Variants in FAM193A observed in about 807,000 individuals in gnomAD.
The protein encoded by FAM193A is protein FAM193A.
Under a neutral mutation model 126.5 loss-of-function variants are expected in FAM193A, and 22 were observed. That is an observed-to-expected ratio of 0.17 (90% confidence interval 0.12 to 0.25). The LOEUF is 0.25. Ranked by LOEUF, FAM193A falls within the 10% of genes least tolerant of loss-of-function variation. The pLI is 1.00. For missense variants in FAM193A, 1,675 were observed against 1,672.8 expected (o/e 1.00, Z -0.02); for synonymous variants, 761 against 646.8 (o/e 1.18, Z -2.68).
At chr4:2,636,186 C>T (rs941486832) in intron 5 of FAM193A, among the ~76,000 whole-genome samples, 1 of 151,916 alleles carries the variant, frequency 6.6e-6, no homozygotes, top group Admixed American at 6.6e-5. Context: ...GCCTCAGCCT[C>T]CCGAGTAGCT....
At chr4:2,702,003 C>G (rs1415011647) in intron 19 of FAM193A, among the ~76,000 whole-genome samples, 1 of 152,156 alleles carries the variant, frequency 6.6e-6, no homozygotes, top group Non-Finnish European at 1.5e-5. Context: ...AACTCCCGAC[C>G]TCAGTTGATC....
chr4:2,649,225 T>C (rs529057262), intron 7 of FAM193A, among the ~76,000 whole-genome samples: 245 of 151,008 alleles, frequency 1.6e-3, no homozygotes, highest in African/African-American at 5.8e-3. Context: ...AATTAAAAAA[T>C]TAGCCAGGCT....
intron 15 of FAM193A, among the ~76,000 whole-genome samples, chr4:2,692,850 AGAGG>A (rs950957402): frequency 1.4e-4 from 12 of 83,090 alleles, no homozygotes; most frequent in Non-Finnish European, 2.9e-4. Flanking sequence ...AAAAAAAGAG[AGAGG>A]GAGGGAGGGA....
chr4:2,722,478 T>C (rs151160039), intron 20 of FAM193A, among the ~76,000 whole-genome samples: 1 of 152,292 alleles, frequency 6.6e-6, no homozygotes, highest in African/African-American at 2.4e-5. Context: ...CCAGCTGCTG[T>C]GTCCAGAAGG....
At position 2,732,170 on chromosome 4, in the gene FAM193A, T is replaced by C; in HGVS notation, c.*302T>C. The C allele has an allele frequency of 2.4e-6, 1 of 422,086 alleles. No homozygotes were observed. The highest frequency in any genetic ancestry group is 2.3e-5 in the South Asian group (1 of 42,772). The allele number at this position is 422,086 out of a possible 1,614,324, so 26.1% of individuals were successfully genotyped here. A position where few individuals can be genotyped will look rare whatever the true frequency, so the allele number is the denominator to read the frequency against. The stretch of plus-strand genomic sequence containing the variant: ...CCTGGGCCGTGGCCAGATAGGAGTT[T>C]GCATCATCCACGTGGCTCCGTTGCC... On this transcript the variant is annotated 3_prime_UTR_variant, in exon 21 of 21. Coordinates refer to ENST00000637812, the MANE Select transcript of FAM193A (RefSeq NM_001366318.2).
chr4:2,693,182 C>G (rs543449175), intron 15 of FAM193A, among the ~76,000 whole-genome samples: 1 of 152,106 alleles, frequency 6.6e-6, no homozygotes, highest in Admixed American at 6.6e-5. Context: ...CCACGCCCAG[C>G]TAATTTTTTG....
At position 2,731,219 on chromosome 4, in the gene FAM193A, A is replaced by AC. The variant is rs1369833872; in HGVS notation, c.4455-556_4455-555insC. ...CTCAAAAAAAAAAAAAAAAAAAAAAAAAAAACCGGTGTGGTGGTACATGCC... is the reference window on the plus strand; with the variant it reads ...CTCAAAAAAAAAAAAAAAAAAAAAAACAAAAACCGGTGTGGTGGTACATGCC... On this transcript the variant is annotated intron_variant, in intron 20 of 20. Coordinates refer to ENST00000637812, the MANE Select transcript of FAM193A (RefSeq NM_001366318.2). Among the ~76,000 whole-genome samples, 13 of 132,942 alleles carry AC rather than the reference A, an allele frequency of 9.8e-5. No homozygotes were observed. In the East Asian group the frequency reaches 2.5e-3, roughly 26 times the overall value. 87.2% of individuals were successfully genotyped at this position (132,942 alleles called of 152,430 possible). A position where few individuals can be genotyped will look rare whatever the true frequency, so the allele number is the denominator to read the frequency against.
intron 1 of FAM193A, among the ~76,000 whole-genome samples, chr4:2,585,747 C>T (rs1180334673): frequency 2.6e-5 from 4 of 152,078 alleles, no homozygotes; most frequent in South Asian, 4.2e-4. Context: ...GCCAACATGG[C>T]AAAACCCCGT....
chr4:2,678,274 G>A (rs556728039), intron 13 of FAM193A, among the ~76,000 whole-genome samples: 42 of 151,932 alleles, frequency 2.8e-4, no homozygotes, highest in African/African-American at 5.6e-4. Flanking sequence ...GTGAGCCACC[G>A]CGCCTGGCCT....
At chr4:2,702,192 C>T (rs1392063286) in intron 19 of FAM193A, among the ~76,000 whole-genome samples, 4 of 152,164 alleles carry the variant, frequency 2.6e-5, no homozygotes, top group African/African-American at 7.2e-5. Flanking sequence ...GATAGATCCA[C>T]GAAGTTTTAC....
chr4:2,597,708 G>A (rs571163306), intron 2 of FAM193A, among the ~76,000 whole-genome samples: 9 of 152,146 alleles, frequency 5.9e-5, no homozygotes, highest in Non-Finnish European at 1.3e-4. Context: ...CTGTTGCTTT[G>A]TAGGTCAGCC....
At chr4:2,554,069 C>T (rs1738109991) in intron 1 of FAM193A, among the ~76,000 whole-genome samples, 1 of 152,000 alleles carries the variant, frequency 6.6e-6, no homozygotes, top group African/African-American at 2.4e-5. Flanking sequence ...CTGTTTAATT[C>T]TGTTATCTCT....
chr4:2,574,398 C>T (rs1220937379), intron 1 of FAM193A, among the ~76,000 whole-genome samples: 1 of 152,164 alleles, frequency 6.6e-6, no homozygotes, highest in Non-Finnish European at 1.5e-5. Context: ...TCGTTCACTG[C>T]TGCTGCAGAT....
At chr4:2,634,477 T>C (rs1560503396) in intron 5 of FAM193A, among the ~76,000 whole-genome samples, 1 of 152,120 alleles carries the variant, frequency 6.6e-6, no homozygotes, top group Non-Finnish European at 1.5e-5. Flanking sequence ...GCAGAAGCAG[T>C]AGACAGAATC....
intron 1 of FAM193A, among the ~76,000 whole-genome samples, chr4:2,545,048 A>G (rs1737462807): frequency 6.6e-6 from 1 of 151,708 alleles, no homozygotes; most frequent in African/African-American, 2.4e-5. Flanking sequence ...GCTGGAGTGC[A>G]GTGGCGTGAT....
At chr4:2,573,534 CGTGTGTGGAT>C (rs1249555232) in intron 1 of FAM193A, among the ~76,000 whole-genome samples, 1 of 151,514 alleles carries the variant, frequency 6.6e-6, no homozygotes, top group African/African-American at 2.4e-5. Context: ...AAAAAAGGTC[CGTGTGTGGAT>C]GTGTGTTTTT....
rs1391120301 is a variant in FAM193A at position 2,691,405 on chromosome 4, C to T, written c.2803+435C>T. On this transcript the variant is annotated intron_variant, in intron 15 of 20. Transcript: ENST00000637812. Reference sequence around the variant, plus strand: ...TAATTTCTGTATTTTTTGGTAGAGACGGGGTTTCACCATTTTGGCCAGGCT... The same window carrying T: ...TAATTTCTGTATTTTTTGGTAGAGATGGGGTTTCACCATTTTGGCCAGGCT... Among the ~76,000 whole-genome samples, 3 of 152,216 alleles carry T rather than the reference C, an allele frequency of 2.0e-5. No individual in the cohort carries two copies. The East Asian group carries it at 5.8e-4, about 29-fold the overall frequency.
chr4:2,668,755 T>G (rs1713432856), intron 12 of FAM193A, among the ~76,000 whole-genome samples: 1 of 152,214 alleles, frequency 6.6e-6, no homozygotes, highest in African/African-American at 2.4e-5. Context: ...AGTGCCTGCC[T>G]GCCTGCCTTC....
intron 2 of FAM193A, among the ~76,000 whole-genome samples, chr4:2,624,808 G>T (rs1012043833): frequency 6.6e-6 from 1 of 152,154 alleles, no homozygotes; most frequent in African/African-American, 2.4e-5. Context: ...TCCCAAAATG[G>T]TGGGATTACA....
Sources: allele counts gnomAD v4.1 joint callset (sites outside exome capture counted in the v4.1 genomes callset), GRCh38; gene constraint gnomAD v4.1.1; transcripts MANE v1.5; gene names NCBI Gene and HGNC (gene_info 2026-07-23, HGNC 2026-07-21).